The following NTRK3 variants were observed in gnomAD, a reference collection of about 807,000 sequenced individuals.
The protein encoded by NTRK3 is neurotrophic receptor tyrosine kinase 3, also known as NT-3 growth factor receptor.
Under a neutral mutation model 91.7 loss-of-function variants are expected in NTRK3, and 24 were observed. That is an observed-to-expected ratio of 0.26 (90% CI 0.19 to 0.37). The LOEUF (loss-of-function observed/expected upper bound fraction) is 0.37. Ranked by LOEUF, NTRK3 falls within the 10% of genes least tolerant of loss-of-function variation. NTRK3 has a pLI of 1.00. For missense variants in NTRK3, 880 were observed against 1,068.9 expected (o/e 0.82, Z 2.46); for synonymous variants, 483 against 404.0 (o/e 1.20, Z -2.34).
intron 14 of NTRK3, among the ~76,000 whole-genome samples, chr15:87,952,154 GAGAA>G (rs1458865019): frequency 2.2e-5 from 3 of 138,290 alleles, no homozygotes; most frequent in Non-Finnish European, 4.7e-5. Flanking sequence ...AGAAAAGAAG[GAGAA>G]AGAAAGAAGA....
chr15:87,947,937 T>C (rs2070736103), intron 14 of NTRK3, among the ~76,000 whole-genome samples: 1 of 152,070 alleles, frequency 6.6e-6, no homozygotes, highest in African/African-American at 2.4e-5. Context: ...GCTTTGAACC[T>C]TTGAGGGGGA....
chr15:88,000,319 C>A (rs533186962), intron 14 of NTRK3, among the ~76,000 whole-genome samples: 46 of 152,322 alleles, frequency 3.0e-4, no homozygotes, highest in African/African-American at 1.0e-3. Flanking sequence ...CACAATCGAA[C>A]AAGGAGCTCA....
intron 14 of NTRK3, chr15:87,978,184 C>T (rs972761906): frequency 1.3e-5 from 3 of 230,274 alleles, no homozygotes; most frequent in Non-Finnish European, 2.6e-5. Context: ...CACCCCCTTC[C>T]CTCTCCTCAG....
chr15:87,937,208 G>T (rs2069377127), intron 15 of NTRK3, among the ~76,000 whole-genome samples: 1 of 152,170 alleles, frequency 6.6e-6, no homozygotes, highest in South Asian at 2.1e-4. Flanking sequence ...CCACAGAGGG[G>T]CTTACCAAGA....
chr15:88,175,193 AC>A, intron 5 of NTRK3, among the ~76,000 whole-genome samples: 1 of 152,340 alleles, frequency 6.6e-6, no homozygotes, highest in Non-Finnish European at 1.5e-5. Flanking sequence ...CTCTCCCACT[AC>A]ATGTCAACAG....
intron 14 of NTRK3, among the ~76,000 whole-genome samples, chr15:88,025,284 A>G (rs905770037): frequency 6.6e-6 from 1 of 152,256 alleles, no homozygotes; most frequent in Non-Finnish European, 1.5e-5. Flanking sequence ...CAAATGAGTT[A>G]AAAACTTATT....
chr15:87,879,485 C>G (rs957535857), intron 18 of NTRK3, among the ~76,000 whole-genome samples: 6 of 152,134 alleles, frequency 3.9e-5, no homozygotes, highest in African/African-American at 1.4e-4. Flanking sequence ...CAGGCTTTGT[C>G]CCTGCTTTGG....
intron 5 of NTRK3, among the ~76,000 whole-genome samples, chr15:88,152,317 A>C (rs1041206282): frequency 3.3e-5 from 5 of 152,200 alleles, no homozygotes; most frequent in Admixed American, 6.5e-5. Flanking sequence ...AAAACAAAAC[A>C]AAACAAACAA....
chr15:88,123,446 G>A (rs139418429), intron 13 of NTRK3, among the ~76,000 whole-genome samples: 61 of 152,340 alleles, frequency 4.0e-4, no homozygotes, highest in African/African-American at 1.4e-3. Flanking sequence ...AGACTGTGAT[G>A]CTCGCTGGCA....
At chr15:87,923,732 C>T (rs965388991) in intron 17 of NTRK3, among the ~76,000 whole-genome samples, 11 of 152,136 alleles carry the variant, frequency 7.2e-5, no homozygotes, top group African/African-American at 2.7e-4. Context: ...AACCCCAATG[C>T]AACAGTGTTG....
intron 14 of NTRK3, among the ~76,000 whole-genome samples, chr15:88,030,768 T>TA (rs60683158): frequency 7.1e-4 from 107 of 151,562 alleles, no homozygotes; most frequent in South Asian, 4.0e-3. Flanking sequence ...TCTTCCTTTT[T>TA]AAAAAAAAAT....
intron 13 of NTRK3, among the ~76,000 whole-genome samples, chr15:88,094,851 AATT>A (rs1216349158): frequency 1.3e-5 from 2 of 152,204 alleles, no homozygotes; most frequent in Admixed American, 6.5e-5. Context: ...TGTTGCTGTC[AATT>A]ATTATTATTG....
intron 5 of NTRK3, among the ~76,000 whole-genome samples, chr15:88,148,423 A>G (rs964165533): frequency 6.6e-6 from 1 of 152,320 alleles, no homozygotes; most frequent in African/African-American, 2.4e-5. Flanking sequence ...TGATGTAAGT[A>G]ACTGATACAG....
In NTRK3 at chr15:87,889,966, A is replaced by ATTTATTTATTTAT. The variant is rs1555430511; in HGVS notation, c.2134-9551_2134-9539dup. On this transcript the variant is annotated intron_variant, in intron 17 of 18. Coordinates refer to ENST00000394480, the Ensembl canonical transcript of NTRK3. ...TTTCCATTTATTTATTTATTTATTTATTTATTTATTTATTTATTTATTGTT... is the reference window on the plus strand; with the variant it reads ...TTTCCATTTATTTATTTATTTATTTATTTATTTATTTATTTTATTTATTTATTTATTTATTGTT... Among the ~76,000 whole-genome samples the ATTTATTTATTTAT allele has an allele frequency of 3.3e-3, 500 of 149,984 alleles. 3 individuals are homozygous for ATTTATTTATTTAT. The highest frequency in any genetic ancestry group is 0.01 in the African/African-American group (427 of 40,690).
exon 19 of NTRK3, chr15:87,876,384 G>C (rs1333302711): frequency 1.3e-5 from 3 of 229,006 alleles, no homozygotes; most frequent in Non-Finnish European, 2.6e-5. Flanking sequence ...TCTTTGCTGA[G>C]CACAGCCATG....
chr15:88,104,135 T>A (rs768662400), intron 13 of NTRK3, among the ~76,000 whole-genome samples: 48 of 152,192 alleles, frequency 3.2e-4, no homozygotes, highest in Admixed American at 2.6e-3. Context: ...AATATTTTAC[T>A]ACAAATAACA....
exon 2 of NTRK3, chr15:88,256,306 A>T (rs977836918): frequency 4.4e-6 from 3 of 679,028 alleles, no homozygotes; most frequent in Non-Finnish European, 2.7e-6. Context: ...GAGCGATCAG[A>T]TGCAAAATCC....
At chr15:87,861,866 C>G (rs1015113894) in exon 19 of NTRK3, 1 of 210,440 alleles carries the variant, frequency 4.8e-6, no homozygotes, top group Non-Finnish European at 9.7e-6. Flanking sequence ...TCTAGAGATG[C>G]CTGCTCTGCA....
intron 13 of NTRK3, among the ~76,000 whole-genome samples, chr15:88,103,900 G>A (rs2050428111): frequency 6.6e-6 from 1 of 152,192 alleles, no homozygotes; most frequent in Non-Finnish European, 1.5e-5. Context: ...GCACAACCAG[G>A]AATCCATTCC....
Sources: gnomAD v4.1 joint callset for allele counts (sites outside exome capture counted in the v4.1 genomes callset) on GRCh38, gnomAD v4.1.1 for gene constraint, MANE v1.5 for transcripts, NCBI Gene and HGNC (gene_info 2026-07-23, HGNC 2026-07-21) for gene names.